Variants in TBC1D10B observed in about 807,000 individuals in gnomAD.
TBC1D10B encodes the protein TBC1 domain family member 10B.
Under a neutral mutation model 78.4 loss-of-function variants are expected in TBC1D10B, and 25 were observed. The ratio of observed to expected loss-of-function variants is 0.32; its 90% confidence interval spans 0.23 to 0.45. TBC1D10B has a LOEUF of 0.45. TBC1D10B is among the 20% of genes least tolerant of loss of function. The pLI is 1.00. For synonymous variants in TBC1D10B, 517 were observed against 478.0 expected, an observed-to-expected ratio of 1.08 and a Z score of -1.06; for missense variants, 996 against 1,104.8, an observed-to-expected ratio of 0.90 and a Z score of 1.40.
At chr16:30,364,750 A>G (rs1352905799) in intron 4 of TBC1D10B, 150 bp downstream of exon 4, 1 of 684,728 alleles carries the variant, frequency 1.5e-6, no homozygotes, top group Non-Finnish European at 2.4e-6. Context: ...TTCCTTTGAC[A>G]TGGCTTGACA....
intron 5 of TBC1D10B, 30 bp downstream of exon 5, chr16:30,359,697 C>A (rs1416053216): frequency 1.3e-6 from 2 of 1,556,172 alleles, no homozygotes; most frequent in African/African-American, 2.7e-5. Flanking sequence ...ATCCCCCCTG[C>A]CCCTCCCGGC....
At chr16:30,362,481 G>A (rs1312973365) in intron 4 of TBC1D10B, among the ~76,000 whole-genome samples, 2 of 152,086 alleles carry the variant, frequency 1.3e-5, no homozygotes, top group African/African-American at 2.4e-5. Context: ...CTCCTTTACC[G>A]GCTCTTTCTC....
chr16:30,364,755 T>G (rs1259103865), intron 4 of TBC1D10B, 145 bp downstream of exon 4: 5 of 702,722 alleles, frequency 7.1e-6, no homozygotes, highest in Non-Finnish European at 1.2e-5. Flanking sequence ...TTGACATGGC[T>G]TGACACTTAG....
At position 30,357,878 on chromosome 16, in the gene TBC1D10B, T is replaced by G; in HGVS notation, c.*66A>C. 1 of 1,489,616 alleles carries G rather than the reference T, an allele frequency of 6.7e-7. No homozygotes were observed. Among genetic ancestry groups the G allele is most frequent in the African/African-American group, 1.4e-5 (1 of 71,398 alleles). 92.3% of individuals were successfully genotyped at this position (1,489,616 alleles called of 1,614,324 possible). On this transcript the variant is annotated 3_prime_UTR_variant, in exon 9 of 9. Transcript: ENST00000409939. The stretch of plus-strand genomic sequence containing the variant: ...TGACAAGGTGCTAGGGGGTGGCACC[T>G]TGGGCCAGGCCTGTTCTTGGCTGAG...
Position 30,365,602 on chromosome 16 carries a change from G to T in TBC1D10B, c.957-8C>A. 6.2e-7 allele frequency: 1 copy of T among 1,613,692 alleles called. No individual in the cohort carries two copies. Among genetic ancestry groups the T allele is most frequent in the Non-Finnish European group, 8.5e-7 (1 of 1,179,782 alleles). Reference sequence around the variant, plus strand: ...ACGGGAATGGAGCTCTCTCTGCAGGGTCGGGGGAGCACGGAAGGGGTCAGT... The same window carrying T: ...ACGGGAATGGAGCTCTCTCTGCAGGTTCGGGGGAGCACGGAAGGGGTCAGT... On this transcript the variant is annotated splice_polypyrimidine_tract_variant and splice_region_variant and intron_variant, in intron 1 of 8. Transcript: ENST00000409939. The surrounding 1 kb of genome is among the most constrained non-coding windows in gnomAD (Gnocchi z 5.0).
At chr16:30,359,930 AC>A in intron 4 of TBC1D10B, 89 bp from the exon 5 acceptor site, 2 of 1,198,634 alleles carry the variant, frequency 1.7e-6, no homozygotes, top group Non-Finnish European at 2.4e-6. Context: ...AGAGTTTATC[AC>A]CAGGCTCCTC....
At chr16:30,359,458 G>T in intron 6 of TBC1D10B, 80 bp downstream of exon 6, 1 of 1,548,486 alleles carries the variant, frequency 6.5e-7, no homozygotes, top group Non-Finnish European at 8.7e-7. Context: ...GGGAAGGCCA[G>T]GGTGGGGCAA....
In TBC1D10B at chr16:30,359,527, C is replaced by T. The variant is rs552894067; in HGVS notation, c.1452+11G>A. The T allele has an allele frequency of 2.0e-5, 31 of 1,556,590 alleles. No homozygotes were observed. In the East Asian group the frequency reaches 5.1e-4, roughly 26 times the overall value. ...CACAGCCCCGGATGCACCCAGCCTC[C>T]AGACACTCACCAGCCCTGCACTGTA... On this transcript the variant is annotated intron_variant, in intron 6 of 8. Coordinates refer to ENST00000409939, the MANE Select transcript of TBC1D10B (RefSeq NM_015527.4).
Position 30,365,368 on chromosome 16 carries a change from C to G in TBC1D10B, c.1056+127G>C. The stretch of plus-strand genomic sequence containing the variant: ...GACTTCTATTTTTAAAGCCATTCCC[C>G]CGCCAGGGCCCATCTATCCCCAGTG... On this transcript the variant is annotated intron_variant, in intron 2 of 8. Transcript: ENST00000409939. The surrounding 1 kb of genome is among the most constrained non-coding windows in gnomAD (Gnocchi z 5.0). 7.7e-7 allele frequency: 1 copy of G among 1,305,978 alleles called. No homozygotes were observed. The highest frequency in any genetic ancestry group is 1.2e-5 in the South Asian group (1 of 81,876). 80.9% of individuals were successfully genotyped at this position (1,305,978 alleles called of 1,614,324 possible).
intron 4 of TBC1D10B, among the ~76,000 whole-genome samples, chr16:30,363,060 C>T (rs6565182): frequency 0.25 from 37,300 of 151,972 alleles, 5,711 homozygotes; most frequent in Non-Finnish European, 0.34. Flanking sequence ...AAAAAATAAA[C>T]GTTCCAAAAC....
chr16:30,370,267 G>T lies in TBC1D10B; in HGVS notation c.-84C>A. The T allele has an allele frequency of 1.4e-6, 1 of 730,438 alleles. No individual in the cohort carries two copies. Among genetic ancestry groups the T allele is most frequent in the Non-Finnish European group, 1.8e-6 (1 of 568,190 alleles). 45.2% of individuals were successfully genotyped at this position (730,438 alleles called of 1,614,324 possible). A position where few individuals can be genotyped will look rare whatever the true frequency, so the allele number is the denominator to read the frequency against. ...CGGGCCTCCCGGCGAGGCCAGCCGA[G>T]AAAGGGGAGAGGGCGAAGGGCGCGG... On this transcript the variant is annotated 5_prime_UTR_variant, in exon 1 of 9. Coordinates refer to ENST00000409939, the MANE Select transcript of TBC1D10B (RefSeq NM_015527.4).
Position 30,369,286 on chromosome 16 carries a change from C to T in TBC1D10B, c.898G>A (p.Ala300Thr). 6.3e-7 allele frequency: 1 copy of T among 1,588,234 alleles called. No homozygotes were observed. The change falls in exon 1 of 9, where the codon GCC becomes ACC. Residue 300 changes from alanine (A) to threonine (T), a missense_variant. By Grantham distance (58) the Ala-to-Thr change is moderately conservative. Transcript: ENST00000409939. This position sits in a 1 kb window ranked among gnomAD's most constrained non-coding sequence, Gnocchi z 4.3. ...MGSDSEINGLALRKTDKYGFL... is the reference protein window; with the variant it reads ...MGSDSEINGLTLRKTDKYGFL... The stretch of plus-strand genomic sequence containing the variant: ...CCATACTTGTCCGTCTTGCGCAGGG[C>T]CAGCCCGTTTATCTCTGAATCTGAG...
chr16:30,362,632 ACT>A (rs2049606630), intron 4 of TBC1D10B, among the ~76,000 whole-genome samples: 1 of 151,872 alleles, frequency 6.6e-6, no homozygotes, highest in East Asian at 1.9e-4. Flanking sequence ...TAAGTTGACG[ACT>A]CTTAATTTCC....
chr16:30,366,045 C>CT (rs2049632943), intron 1 of TBC1D10B: 1 of 171,582 alleles, frequency 5.8e-6, no homozygotes, highest in Non-Finnish European at 1.3e-5. Context: ...TTAAGTAATA[C>CT]CTTACTATCC....
Position 30,365,789 on chromosome 16 carries a change from T to G in TBC1D10B, c.957-195A>C. On this transcript the variant is annotated intron_variant, in intron 1 of 8. Transcript: ENST00000409939. The surrounding 1 kb of genome is among the most constrained non-coding windows in gnomAD (Gnocchi z 5.0). ...AGGGCTTCCTTCCCTGATGGATCTCTATTCAGAGGTCATATTTAAATCTCA... is the reference window on the plus strand; with the variant it reads ...AGGGCTTCCTTCCCTGATGGATCTCGATTCAGAGGTCATATTTAAATCTCA... The G allele has an allele frequency of 1.8e-6, 1 of 570,434 alleles. No homozygotes were observed. Among genetic ancestry groups the G allele is most frequent in the Non-Finnish European group, 3.2e-6 (1 of 316,958 alleles). The allele number at this position is 570,434 out of a possible 1,614,324, so 35.3% of individuals were successfully genotyped here. A position where few individuals can be genotyped will look rare whatever the true frequency, so the allele number is the denominator to read the frequency against.
intron 4 of TBC1D10B, among the ~76,000 whole-genome samples, chr16:30,360,676 A>G (rs945080005): frequency 6.6e-6 from 1 of 152,170 alleles, no homozygotes; most frequent in African/African-American, 2.4e-5. Context: ...CACTTTGCAA[A>G]AGCATCCACG....
chr16:30,364,842 A>G, intron 4 of TBC1D10B, 58 bp downstream of exon 4: 1 of 1,490,308 alleles, frequency 6.7e-7, no homozygotes, highest in South Asian at 1.2e-5. Context: ...CACCTAGCTA[A>G]AAGGTGGATC....
At position 30,369,128 on chromosome 16, in the gene TBC1D10B, T is replaced by C. The variant is rs994529414; in HGVS notation, c.956+100A>G. The C allele has an allele frequency of 1.6e-5, 20 of 1,263,190 alleles. No homozygotes were observed. Among genetic ancestry groups the C allele is most frequent in the Non-Finnish European group, 2.0e-5 (19 of 929,772 alleles). 78.2% of individuals were successfully genotyped at this position (1,263,190 alleles called of 1,614,324 possible). ...CACCCCGTGGATCCTCAGAGGAGGCTGGGCTGCCAGAGTCTGGGCAAAGTG... is the reference window on the plus strand; with the variant it reads ...CACCCCGTGGATCCTCAGAGGAGGCCGGGCTGCCAGAGTCTGGGCAAAGTG... On this transcript the variant is annotated intron_variant, in intron 1 of 8. Coordinates refer to ENST00000409939, the MANE Select transcript of TBC1D10B (RefSeq NM_015527.4). This position sits in a 1 kb window ranked among gnomAD's most constrained non-coding sequence, Gnocchi z 4.3.
rs781340091 is a variant in TBC1D10B, at chr16:30,358,523, G to A, written c.1848C>T (p.Ala616=). The change falls in exon 9 of 9, where the codon GCC becomes GCT. Residue 616 remains alanine, a synonymous_variant. Coordinates refer to ENST00000409939, the MANE Select transcript of TBC1D10B (RefSeq NM_015527.4). ...GCGTTTCCCGCCACTTCTTGAGCTG[G>A]GCTGCATTCTCCCGCTCAATCAGTG... ...TEALIERENA[A]QLKKWRETRG... 2 of 1,610,954 alleles carry A rather than the reference G, an allele frequency of 1.2e-6. No individual in the cohort carries two copies. Among genetic ancestry groups the A allele is most frequent in the Non-Finnish European group, 1.7e-6 (2 of 1,177,998 alleles).
Sources: gnomAD v4.1 joint callset for allele counts (sites outside exome capture counted in the v4.1 genomes callset) on GRCh38, gnomAD v4.1.1 for gene constraint, Gnocchi (gnomAD v3.1) non-coding constraint, MANE v1.5 for transcripts, NCBI Gene and HGNC (gene_info 2026-07-23, HGNC 2026-07-21) for gene names.